The following NFASC variants were observed in gnomAD, a reference collection of about 807,000 sequenced individuals.
The protein encoded by NFASC is neurofascin.
A neutral mutation model predicts 147.5 loss-of-function variants in NFASC; 43 were observed. That is an observed-to-expected ratio of 0.29 (90% CI 0.23 to 0.38). The LOEUF (loss-of-function observed/expected upper bound fraction) is 0.38, where lower values mean the gene tolerates loss of function less well. NFASC is among the 10% of genes least tolerant of loss of function. The pLI is 1.00. For missense variants in NFASC, 1,320 were observed against 1,689.0 expected (o/e 0.78, Z 3.83); for synonymous variants, 622 against 665.5 (o/e 0.93, Z 1.01).
intron 2 of NFASC, among the ~76,000 whole-genome samples, chr1:204,938,668 A>G (rs190797142): frequency 4.6e-5 from 7 of 152,328 alleles, no homozygotes; most frequent in African/African-American, 1.4e-4. Flanking sequence ...ATCATTAGCA[A>G]ACTCACATGT....
At chr1:204,921,528 C>T (rs1276255444) in intron 2 of NFASC, among the ~76,000 whole-genome samples, 2 of 152,002 alleles carry the variant, frequency 1.3e-5, no homozygotes, top group Non-Finnish European at 2.9e-5. Flanking sequence ...TTTTTTCCTC[C>T]CAGAAAGAGT....
chr1:204,916,624 A>G (rs1408833522), intron 1 of NFASC, among the ~76,000 whole-genome samples: 2 of 152,244 alleles, frequency 1.3e-5, no homozygotes, highest in Non-Finnish European at 2.9e-5. Flanking sequence ...AGATATATCA[A>G]TGAGGGTATT....
Position 205,015,966 on chromosome 1 carries a change from C to A in NFASC, c.3492-342C>A, listed in dbSNP as rs1313417125. Among the ~76,000 whole-genome samples the A allele has an allele frequency of 6.6e-6, 1 of 152,130 alleles. No individual in the cohort carries two copies. The highest frequency in any genetic ancestry group is 2.4e-5 in the African/African-American group (1 of 41,438). ...ACTAGAACCATTCCATGTGGTCTCA[C>A]AAGCAGTGGCTCTGCCTCACCATGG... On this transcript the variant is annotated intron_variant, in intron 29 of 29. Coordinates refer to ENST00000339876, the MANE Select transcript of NFASC (RefSeq NM_001005388.3). This position sits in a 1 kb window ranked among gnomAD's most constrained non-coding sequence, Gnocchi z 4.0.
intron 27 of NFASC, among the ~76,000 whole-genome samples, chr1:205,006,157 G>A (rs776052879): frequency 1.4e-4 from 21 of 152,210 alleles, no homozygotes; most frequent in Non-Finnish European, 3.1e-4. Flanking sequence ...GTATCCATAT[G>A]ACCCCTAGCT....
In NFASC at chr1:204,836,366, G is replaced by C. The variant is rs531515825; in HGVS notation, c.-200+7584G>C. Among the ~76,000 whole-genome samples the C allele has an allele frequency of 1.1e-3, 170 of 152,296 alleles. 1 individual carries two copies. Among genetic ancestry groups the C allele is most frequent in the African/African-American group, 3.9e-3 (161 of 41,550 alleles). On this transcript the variant is annotated intron_variant, in intron 1 of 29. Transcript: ENST00000339876. ...TTGAGAATAACAGGATGTTAATTAT[G>C]AGGAGGTATTATAGCTATCTATCAT... is the stretch of plus-strand genomic sequence containing the variant.
chr1:204,861,749 A>G (rs2076695473), intron 1 of NFASC, among the ~76,000 whole-genome samples: 1 of 152,176 alleles, frequency 6.6e-6, no homozygotes, highest in African/African-American at 2.4e-5. Flanking sequence ...TCGGCCTCCC[A>G]AAGTGCTGGG....
chr1:204,995,932 A>G (rs1264171729), intron 24 of NFASC, among the ~76,000 whole-genome samples: 1 of 152,070 alleles, frequency 6.6e-6, no homozygotes, highest in Admixed American at 6.6e-5. Flanking sequence ...TGTGTTTTAA[A>G]GTCCCTGCCT....
At position 205,017,917 on chromosome 1, in the gene NFASC, T is replaced by TC. The variant is rs1227028068; in HGVS notation, c.*1385dup. 3.9e-5 allele frequency: 6 copies of TC among 152,444 alleles called. No homozygotes were observed. Among genetic ancestry groups the TC allele is most frequent in the Admixed American group, 6.6e-5 (1 of 15,258 alleles). The allele number at this position is 152,444 out of a possible 1,614,324, so 9.4% of individuals were successfully genotyped here. On this transcript the variant is annotated 3_prime_UTR_variant, in exon 30 of 30. Coordinates refer to ENST00000339876, the MANE Select transcript of NFASC (RefSeq NM_001005388.3). ...TCCCTGGAGTTCCCAGGTTCCCAGC[T>TC]CCCCCCCTGCAAGCCTTGAAGCCTC... is the stretch of plus-strand genomic sequence containing the variant.
intron 1 of NFASC, among the ~76,000 whole-genome samples, chr1:204,842,151 G>A (rs978690955): frequency 2.6e-5 from 4 of 152,188 alleles, no homozygotes; most frequent in Non-Finnish European, 5.9e-5. Flanking sequence ...TGACTACCTA[G>A]GAACTGCAGA....
intron 1 of NFASC, among the ~76,000 whole-genome samples, chr1:204,891,072 A>G (rs1356586644): frequency 6.6e-6 from 1 of 152,214 alleles, no homozygotes; most frequent in Non-Finnish European, 1.5e-5. Flanking sequence ...GCCTAAAGTC[A>G]TACTTGAGAG....
intron 28 of NFASC, 133 bp from the exon 29 acceptor site, chr1:205,012,664 T>C: frequency 1.4e-6 from 1 of 734,922 alleles, no homozygotes; most frequent in Non-Finnish European, 2.5e-6. Context: ...GAGGCGTGGA[T>C]GGTGCCTTGT....
At chr1:204,856,363 C>A (rs2076153577) in intron 1 of NFASC, among the ~76,000 whole-genome samples, 1 of 137,412 alleles carries the variant, frequency 7.3e-6, no homozygotes. Context: ...ACAAAAGTGC[C>A]AAGGAGAGAT....
chr1:205,016,295 T>C lies in NFASC; in HGVS notation c.3492-13T>C, dbSNP rs74343389. On this transcript the variant is annotated splice_polypyrimidine_tract_variant and intron_variant, in intron 29 of 29. Transcript: ENST00000339876. The surrounding 1 kb of genome is among the most constrained non-coding windows in gnomAD (Gnocchi z 5.1). ...CTCACCCCACCTGAGATTCTCTGTC[T>C]CTCTTTGGCCAGTGATGAGGACAAC... is the stretch of plus-strand genomic sequence containing the variant. The C allele has an allele frequency of 9.7e-4, 1,540 of 1,588,270 alleles. 19 individuals carry two copies. The African/African-American group carries it at 0.018, about 19-fold the overall frequency.
chr1:204,904,550 A>G (rs1392140546), intron 1 of NFASC, among the ~76,000 whole-genome samples: 5 of 152,208 alleles, frequency 3.3e-5, no homozygotes, highest in Non-Finnish European at 7.3e-5. Context: ...CATGGCTGTG[A>G]AGGGATTAGA....
At chr1:204,910,643 C>T (rs1428461626) in intron 1 of NFASC, among the ~76,000 whole-genome samples, 1 of 151,830 alleles carries the variant, frequency 6.6e-6, no homozygotes, top group Non-Finnish European at 1.5e-5. Flanking sequence ...TGAGTTGCAC[C>T]TGCAGTTCTA....
intron 1 of NFASC, among the ~76,000 whole-genome samples, chr1:204,865,200 C>T (rs1349185074): frequency 6.6e-6 from 1 of 152,152 alleles, no homozygotes; most frequent in South Asian, 2.1e-4. Flanking sequence ...CCCATATATA[C>T]TATGTTTTTT....
chr1:205,003,022 A>G (rs753530454), intron 27 of NFASC, among the ~76,000 whole-genome samples: 14 of 152,168 alleles, frequency 9.2e-5, no homozygotes, highest in Non-Finnish European at 1.6e-4. Context: ...AACAGAGAAC[A>G]CTTAGCCCCC....
rs2094342459 is a variant in NFASC at position 204,954,724 on chromosome 1, G to A, written c.413-105G>A. ...TCTCTCTTGCTCCCTCCTTCTCCAG[G>A]TGCCCCTTCTGTTTCTCCTCCTTGC... is the stretch of plus-strand genomic sequence containing the variant. On this transcript the variant is annotated intron_variant, in intron 6 of 29. Transcript: ENST00000339876. This position sits in a 1 kb window ranked among gnomAD's most constrained non-coding sequence, Gnocchi z 5.7. The A allele has an allele frequency of 3.7e-6, 5 of 1,337,094 alleles. No homozygotes were observed. Among genetic ancestry groups the A allele is most frequent in the Non-Finnish European group, 1.0e-6 (1 of 952,556 alleles). 82.8% of individuals were successfully genotyped at this position (1,337,094 alleles called of 1,614,324 possible).
intron 16 of NFASC, 191 bp downstream of exon 16, chr1:204,976,986 G>T: frequency 7.4e-7 from 1 of 1,351,216 alleles, no homozygotes; most frequent in South Asian, 2.0e-5. Context: ...GTGCTGGACA[G>T]GTTACCTCCT....
Sources: allele counts gnomAD v4.1 joint callset (sites outside exome capture counted in the v4.1 genomes callset), GRCh38; gene constraint gnomAD v4.1.1; non-coding constraint Gnocchi (gnomAD v3.1); transcripts MANE v1.5; gene names NCBI Gene and HGNC (gene_info 2026-07-23, HGNC 2026-07-21).